HMCN1: variants seen among roughly 807,000 people sequenced by gnomAD.
HMCN1 encodes hemicentin 1, also known as hemicentin-1.
Under a neutral mutation model 625.9 loss-of-function variants are expected in HMCN1, and 321 were observed. That is an observed-to-expected ratio of 0.51 (90% CI 0.47 to 0.56). HMCN1 has a LOEUF of 0.56. Ranked by LOEUF, HMCN1 falls within the 20% of genes least tolerant of loss-of-function variation. The pLI, the probability that HMCN1 is intolerant of heterozygous loss-of-function variation, is 0.00. For missense variants in HMCN1, 6,588 were observed against 6,887.3 expected, an observed-to-expected ratio of 0.96 and a Z score of 1.54; for synonymous variants, 2,425 against 2,417.6, an observed-to-expected ratio of 1.00 and a Z score of -0.09.
intron 1 of HMCN1, among the ~76,000 whole-genome samples, chr1:185,828,909 G>A (rs976363855): frequency 1.3e-5 from 2 of 151,974 alleles, no homozygotes; most frequent in South Asian, 4.1e-4. Flanking sequence ...TAGTGAATTA[G>A]GAAGTAAGAA....
chr1:185,768,798 T>TTAA (rs894694108), intron 1 of HMCN1, among the ~76,000 whole-genome samples: 8 of 152,146 alleles, frequency 5.3e-5, no homozygotes, highest in Admixed American at 2.0e-4. Context: ...TAAAATTGTA[T>TTAA]TAATAATAAT....
chr1:186,089,295 A>C (rs1659704356), intron 63 of HMCN1, among the ~76,000 whole-genome samples: 1 of 151,998 alleles, frequency 6.6e-6, no homozygotes, highest in South Asian at 2.1e-4. Flanking sequence ...ATTTTCAGTA[A>C]ACCTCTGATT....
At position 186,078,153 on chromosome 1, in the gene HMCN1, G is replaced by C; in HGVS notation, c.8532G>C (p.Gly2844=). 1 of 1,613,864 alleles carries C rather than the reference G, an allele frequency of 6.2e-7. No homozygotes were observed. The highest frequency in any genetic ancestry group is 1.1e-5 in the South Asian group (1 of 91,070). ...CTCGGGCTAAAGTAGAAGATGCTGG[G>C]AGATACACATGTGTGGCTGTGAATG... ...QIPRAKVEDA[G]RYTCVAVNEA... The change falls in exon 55 of 107, where the codon GGG becomes GGC. Residue 2844 remains glycine (G), a synonymous_variant. Transcript: ENST00000271588.
In HMCN1 at chr1:186,055,689, G is replaced by T; in HGVS notation, c.7144+15G>T. ...AAGTGTCCATGGTAAGTAGAAAGAG[G>T]CTCAATATGTCCATTCACTGGCTAA... On this transcript the variant is annotated intron_variant, in intron 45 of 106. Coordinates refer to ENST00000271588, the MANE Select transcript of HMCN1 (RefSeq NM_031935.3). The T allele has an allele frequency of 1.2e-6, 2 of 1,611,386 alleles. No individual in the cohort carries two copies. The highest frequency in any genetic ancestry group is 2.2e-5 in the East Asian group (1 of 44,772).
intron 1 of HMCN1, among the ~76,000 whole-genome samples, chr1:185,806,067 T>TATAATA (rs144630914): frequency 1.3e-5 from 2 of 151,670 alleles, no homozygotes. Context: ...ACAAACTTGA[T>TATAATA]ATAATAATAA....
chr1:186,015,932 T>G, intron 31 of HMCN1, 26 bp from the exon 32 acceptor site: 1 of 1,604,194 alleles, frequency 6.2e-7, no homozygotes, highest in Non-Finnish European at 8.5e-7. Flanking sequence ...AATAATTGCC[T>G]GAAATATTGC....
In HMCN1 at chr1:186,145,767, G is replaced by A. The variant is rs966339887; in HGVS notation, c.14452G>A (p.Gly4818Arg). The A allele has an allele frequency of 4.3e-6, 7 of 1,614,024 alleles. No individual in the cohort carries two copies. Among genetic ancestry groups the A allele is most frequent in the Admixed American group, 3.3e-5 (2 of 60,002 alleles). Reference sequence around the variant, plus strand: ...CTTGTTCACAGTGGATGGAAGTTGGGGAAGCTGGCATAGTTGGAGCCAGTG... The same window carrying A: ...CTTGTTCACAGTGGATGGAAGTTGGAGAAGCTGGCATAGTTGGAGCCAGTG... ...TDMCPVDGSW[G>R]SWHSWSQCSA... is the part of the protein sequence containing the mutation. The change falls in exon 93 of 107, where the codon GGA becomes AGA. Residue 4818 changes from glycine (G) to arginine (R), a missense_variant. Coordinates refer to ENST00000271588, the MANE Select transcript of HMCN1 (RefSeq NM_031935.3).
At chr1:185,960,867 A>C (rs1649970535) in intron 11 of HMCN1, among the ~76,000 whole-genome samples, 1 of 152,224 alleles carries the variant, frequency 6.6e-6, no homozygotes, top group Non-Finnish European at 1.5e-5. Flanking sequence ...TTATCCCCTG[A>C]AGATTATCTG....
At position 185,923,588 on chromosome 1, in the gene HMCN1, G is replaced by A. The variant is rs1342498084; in HGVS notation, c.1220G>A (p.Gly407Asp). 1 of 1,608,106 alleles carries A rather than the reference G, an allele frequency of 6.2e-7. No individual in the cohort carries two copies. The highest frequency in any genetic ancestry group is 2.2e-5 in the East Asian group (1 of 44,730). Residue 407 changes from glycine to aspartate, a missense_variant, in exon 8 of 107, where the codon GGC becomes GAC. Around this residue, in one of 3 missense-constraint regions of HMCN1, gnomAD observed 4,628 missense variants for 4,853.1 expected, o/e 0.95. Coordinates refer to ENST00000271588, the MANE Select transcript of HMCN1 (RefSeq NM_031935.3). ...PNEAFFLKVTGYDKDDYLFQR... is the reference protein window; with the variant it reads ...PNEAFFLKVTDYDKDDYLFQR... ...GAAGCTTTCTTTCTCAAAGTAACAG[G>A]CTATGATAAAGATGATTACCTCTTC...
intron 55 of HMCN1, among the ~76,000 whole-genome samples, chr1:186,080,902 G>A (rs1164968027): frequency 6.6e-6 from 1 of 152,134 alleles, no homozygotes; most frequent in East Asian, 1.9e-4. Flanking sequence ...GGTATAGTGG[G>A]AGGGGCTGAG....
At chr1:186,090,958 C>A in intron 64 of HMCN1, 41 bp downstream of exon 64, 1 of 1,563,306 alleles carries the variant, frequency 6.4e-7, no homozygotes, top group South Asian at 1.1e-5. Context: ...ATTGTAAGCC[C>A]TTCTACAATG....
intron 101 of HMCN1, 75 bp downstream of exon 101, chr1:186,171,525 A>T (rs1652230736): frequency 8.9e-7 from 1 of 1,124,252 alleles, no homozygotes; most frequent in Non-Finnish European, 1.4e-6. Context: ...AAATGCATAC[A>T]CTGTGTCTTG....
At chr1:185,908,605 G>A (rs931648841) in intron 4 of HMCN1, among the ~76,000 whole-genome samples, 2 of 151,888 alleles carry the variant, frequency 1.3e-5, no homozygotes, top group African/African-American at 2.4e-5. Context: ...TGTTCACAAT[G>A]AGGCATTAAC....
chr1:185,865,289 AAC>A (rs1663109047), intron 3 of HMCN1, among the ~76,000 whole-genome samples: 1 of 152,202 alleles, frequency 6.6e-6, no homozygotes, highest in African/African-American at 2.4e-5. Context: ...CTCAGCCCAG[AAC>A]TTGTAGAATG....
At chr1:185,851,099 T>G (rs932041783) in intron 2 of HMCN1, among the ~76,000 whole-genome samples, 3 of 152,192 alleles carry the variant, frequency 2.0e-5, no homozygotes, top group Admixed American at 2.0e-4. Context: ...GTTTGAGATA[T>G]CTCACAAATT....
At position 186,123,028 on chromosome 1, in the gene HMCN1, GA is replaced by G; in HGVS notation, c.12308del (p.Asp4103ValfsTer33). On this transcript the variant is annotated frameshift_variant, in exon 81 of 107. Coordinates refer to ENST00000271588, the MANE Select transcript of HMCN1 (RefSeq NM_031935.3). LOFTEE classifies it high-confidence loss of function. ...DKPITLSCEA[D>X]GLPPPDITWH... ...GCCCATCACGTTATCCTGTGAAGCA[GA>G]TGGCCTCCCTCCGCCTGACATTACA... 6.2e-7 allele frequency: 1 copy of G among 1,614,118 alleles called. No homozygotes were observed. Among genetic ancestry groups the G allele is most frequent in the Non-Finnish European group, 8.5e-7 (1 of 1,180,002 alleles).
intron 46 of HMCN1, among the ~76,000 whole-genome samples, chr1:186,059,332 A>G (rs1657539852): frequency 6.6e-6 from 1 of 152,066 alleles, no homozygotes; most frequent in South Asian, 2.1e-4. Context: ...TGGCTTTTTA[A>G]AAAATGTTCA....
At chr1:185,841,001 T>C (rs1280376005) in intron 1 of HMCN1, among the ~76,000 whole-genome samples, 3 of 152,102 alleles carry the variant, frequency 2.0e-5, no homozygotes, top group African/African-American at 7.2e-5. Flanking sequence ...CAGAAATCTG[T>C]AAGTGGAAAG....
At chr1:185,736,365 ATTAT>A (rs1306548953) in intron 1 of HMCN1, among the ~76,000 whole-genome samples, 1 of 152,130 alleles carries the variant, frequency 6.6e-6, no homozygotes, top group Non-Finnish European at 1.5e-5. Context: ...GAATTGAATG[ATTAT>A]TTACTGTGTT....
Sources: gnomAD v4.1 joint callset for allele counts (sites outside exome capture counted in the v4.1 genomes callset) on GRCh38, gnomAD v4.1.1 for gene constraint, gnomAD v4.1.1 regional missense constraint, MANE v1.5 for transcripts, NCBI Gene and HGNC (gene_info 2026-07-23, HGNC 2026-07-21) for gene names.